SENP2: variants seen among roughly 807,000 people sequenced by gnomAD.
The protein encoded by SENP2 is SUMO specific peptidase 2.
Under a neutral mutation model 86.3 loss-of-function variants are expected in SENP2, and 16 were observed. That is an observed-to-expected ratio of 0.19 (90% CI 0.13 to 0.28). SENP2 has a LOEUF of 0.28. Among genes scored for constraint, SENP2 ranks in the 10% least tolerant of loss-of-function variants. The pLI is 1.00. For missense variants in SENP2, 552 were observed against 703.0 expected, an observed-to-expected ratio of 0.79 and a Z score of 2.43; for synonymous variants, 222 against 238.7, an observed-to-expected ratio of 0.93 and a Z score of 0.64.
rs375819185 is a variant in SENP2, at chr3:185,629,742, T to A, written c.1708-40T>A. The A allele has an allele frequency of 8.7e-6, 14 of 1,603,242 alleles. No individual in the cohort carries two copies. The African/African-American group carries it at 1.7e-4, about 20-fold the overall frequency. On this transcript the variant is annotated intron_variant, in intron 16 of 16. Transcript: ENST00000296257. ...CTGAAGGTTGTGCTGCCATGCACAT[T>A]AATATGTAATGCGGGCGTTGTTTAT...
intron 12 of SENP2, among the ~76,000 whole-genome samples, chr3:185,619,040 C>T (rs1711742395): frequency 6.6e-6 from 1 of 151,754 alleles, no homozygotes; most frequent in Non-Finnish European, 1.5e-5. Flanking sequence ...TAGATCTTTC[C>T]ATTATTGCAC....
chr3:185,599,910 T>C (rs1325658411), intron 4 of SENP2, among the ~76,000 whole-genome samples: 1 of 151,616 alleles, frequency 6.6e-6, no homozygotes, highest in Admixed American at 6.6e-5. Context: ...GTGATTCTCC[T>C]GCCTCAGCCT....
At position 185,621,828 on chromosome 3, in the gene SENP2, G is replaced by A; in HGVS notation, c.1449G>A (p.Val483=). 6.3e-7 allele frequency: 1 copy of A among 1,589,190 alleles called. No individual in the cohort carries two copies. The highest frequency in any genetic ancestry group is 1.1e-5 in the South Asian group (1 of 90,098). Reference sequence around the variant, plus strand: ...GATGTTATCTTTTTCCATTATAGGTGATTGACCTAAGAAAAAAGTGTCTTA... The same window carrying A: ...GATGTTATCTTTTTCCATTATAGGTAATTGACCTAAGAAAAAAGTGTCTTA... ...IHRKVHWSLV[V]IDLRKKCLKY... Residue 483 remains valine (V), a splice_region_variant and synonymous_variant, in exon 14 of 17, where the codon GTG becomes GTA. Transcript: ENST00000296257.
At chr3:185,605,681 A>G (rs1308139937) in intron 5 of SENP2, among the ~76,000 whole-genome samples, 1 of 150,456 alleles carries the variant, frequency 6.6e-6, no homozygotes, top group Non-Finnish European at 1.5e-5. Flanking sequence ...TTTTTTTGAA[A>G]CACCACATAA....
chr3:185,627,690 C>T (rs576530871), intron 16 of SENP2, among the ~76,000 whole-genome samples: 1 of 152,278 alleles, frequency 6.6e-6, no homozygotes, highest in Non-Finnish European at 1.5e-5. Context: ...GGATTACAGG[C>T]GTGAGCCACC....
Position 185,604,128 on chromosome 3 carries a change from T to A in SENP2, c.450-2202T>A, listed in dbSNP as rs558154398. Among the ~76,000 whole-genome samples, 15 of 152,142 alleles carry A rather than the reference T, an allele frequency of 9.9e-5. No individual in the cohort carries two copies. The South Asian group carries it at 2.1e-3, about 21-fold the overall frequency. ...ACAGTGAGACACCGTCTCAAAAAAATAAATAAATAAATAAGTAAATAAATA... is the reference window on the plus strand; with the variant it reads ...ACAGTGAGACACCGTCTCAAAAAAAAAAATAAATAAATAAGTAAATAAATA... On this transcript the variant is annotated intron_variant, in intron 5 of 16. Coordinates refer to ENST00000296257, the MANE Select transcript of SENP2 (RefSeq NM_021627.3).
rs1337726914 is a variant in SENP2, at chr3:185,631,882, C to T, written c.*2038C>T. 1 of 151,214 alleles carries T rather than the reference C, an allele frequency of 6.6e-6. No homozygotes were observed. The allele number at this position is 151,214 out of a possible 1,614,324, so 9.4% of individuals were successfully genotyped here. On this transcript the variant is annotated 3_prime_UTR_variant, in exon 17 of 17. Transcript: ENST00000296257. The stretch of plus-strand genomic sequence containing the variant: ...GAGCTTAATGTATTATTTTGAGGGG[C>T]TTCTTCAGAGCAGTTCTCACTGAGC...
intron 3 of SENP2, 35 bp downstream of exon 3, chr3:185,598,580 T>A (rs1722250134): frequency 6.3e-7 from 1 of 1,575,834 alleles, no homozygotes; most frequent in Non-Finnish European, 8.6e-7. Context: ...GGAATACTGA[T>A]CTTTATACTT....
intron 2 of SENP2, among the ~76,000 whole-genome samples, chr3:185,598,147 G>A (rs998082234): frequency 6.6e-6 from 1 of 152,012 alleles, no homozygotes; most frequent in Non-Finnish European, 1.5e-5. Flanking sequence ...CAGGTAGCTG[G>A]GACTACAGGC....
In SENP2 at chr3:185,586,487, C is replaced by G. The variant is rs774254416; in HGVS notation, c.74C>G (p.Ala25Gly). ...FCDRSVPPAR[A>G]LLKRRRSDST... ...GACCGGTCGGTGCCCCCTGCCCGGG[C>G]CCTCCTGAAGAGGCGGCGCTCAGAC... Residue 25 changes from alanine to glycine, a missense_variant, in exon 1 of 17, where the codon GCC becomes GGC. Physicochemically the swap from Ala to Gly is moderately conservative, Grantham distance 60 (BLOSUM62 0). Coordinates refer to ENST00000296257, the MANE Select transcript of SENP2 (RefSeq NM_021627.3). The surrounding 1 kb of genome is among the most constrained non-coding windows in gnomAD (Gnocchi z 4.3). The G allele has an allele frequency of 6.2e-7, 1 of 1,613,710 alleles. No homozygotes were observed. Among genetic ancestry groups the G allele is most frequent in the Admixed American group, 1.7e-5 (1 of 60,030 alleles).
rs1711669580 is a variant in SENP2, at chr3:185,617,573, A to G, written c.1204A>G (p.Ile402Val). 1 of 1,613,966 alleles carries G rather than the reference A, an allele frequency of 6.2e-7. No individual in the cohort carries two copies. The highest frequency in any genetic ancestry group is 8.5e-7 in the Non-Finnish European group (1 of 1,179,850). The change falls in exon 12 of 17, where the codon ATT becomes GTT. Residue 402 changes from isoleucine to valine, a missense_variant. Around this residue, in one of 2 missense-constraint regions of SENP2, gnomAD observed 169 missense variants for 275.7 expected, o/e 0.61. Coordinates refer to ENST00000296257, the MANE Select transcript of SENP2 (RefSeq NM_021627.3). ...AFKLRITRGD[I>V]QTLKNYHWLN... is the part of the protein sequence containing the mutation. ...CAAATTGCGAATTACTCGAGGAGATATTCAGACATTAAAGAACTATCACTG... is the reference window on the plus strand; with the variant it reads ...CAAATTGCGAATTACTCGAGGAGATGTTCAGACATTAAAGAACTATCACTG...
rs960521784 is a variant in SENP2 at position 185,587,927 on chromosome 3, G to C, written c.101+1413G>C. ...TATTTTTTGTATTTTTTTTAGTAGA[G>C]ACGGGGTTTCACCATCTTGGCCAGG... On this transcript the variant is annotated intron_variant, in intron 1 of 16. Coordinates refer to ENST00000296257, the MANE Select transcript of SENP2 (RefSeq NM_021627.3). Among the ~76,000 whole-genome samples the C allele has an allele frequency of 2.7e-5, 4 of 150,126 alleles. No homozygotes were observed. The Admixed American group carries it at 2.7e-4, about 10-fold the overall frequency.
Position 185,633,314 on chromosome 3 carries a change from C to CTGAT in SENP2, c.*3473_*3476dup, listed in dbSNP as rs1053675587. ...CATTCTTTAAATTAGCTTTTGTGAA[C>CTGAT]TGATTGGGAACCTAATCTCTTTTGT... On this transcript the variant is annotated 3_prime_UTR_variant, in exon 17 of 17. Coordinates refer to ENST00000296257, the MANE Select transcript of SENP2 (RefSeq NM_021627.3). 5.9e-5 allele frequency: 9 copies of CTGAT among 152,302 alleles called. No individual in the cohort carries two copies. Among genetic ancestry groups the CTGAT allele is most frequent in the East Asian group, 3.9e-4 (2 of 5,188 alleles). The allele number at this position is 152,302 out of a possible 1,614,324, so 9.4% of individuals were successfully genotyped here. A position where few individuals can be genotyped will look rare whatever the true frequency, so the allele number is the denominator to read the frequency against.
chr3:185,619,421 A>G lies in SENP2; in HGVS notation c.1365A>G (p.Lys455=). 2 of 1,614,162 alleles carry G rather than the reference A, an allele frequency of 1.2e-6. No homozygotes were observed. Among genetic ancestry groups the G allele is most frequent in the Non-Finnish European group, 1.7e-6 (2 of 1,180,022 alleles). Residue 455 remains lysine (K), a synonymous_variant, in exon 13 of 17, where the codon AAA becomes AAG. Coordinates refer to ENST00000296257, the MANE Select transcript of SENP2 (RefSeq NM_021627.3). ...AGTCTGGGGGTTACCAAGCAGTGAAACGATGGACCAAAGGGGTAAATCTCT... is the reference window on the plus strand; with the variant it reads ...AGTCTGGGGGTTACCAAGCAGTGAAGCGATGGACCAAAGGGGTAAATCTCT... ...KLKSGGYQAV[K]RWTKGVNLFE...
At chr3:185,606,603 G>A (rs1383583315) in intron 6 of SENP2, 105 bp downstream of exon 6, 1 of 1,008,596 alleles carries the variant, frequency 9.9e-7, no homozygotes, top group East Asian at 2.6e-5. Flanking sequence ...TACCATTGTA[G>A]GTTTTCCTAC....
intron 15 of SENP2, 52 bp downstream of exon 15, chr3:185,624,134 A>G: frequency 7.7e-7 from 1 of 1,302,238 alleles, no homozygotes; most frequent in Non-Finnish European, 1.1e-6. Context: ...TACTAATAGT[A>G]TATTATCTAG....
chr3:185,613,585 C>G (rs757709617), intron 10 of SENP2, 177 bp downstream of exon 10: 1 of 413,666 alleles, frequency 2.4e-6, no homozygotes, highest in Non-Finnish European at 4.3e-6. Flanking sequence ...AATCCCAGAA[C>G]TTTAGGAGGC....
Position 185,599,033 on chromosome 3 carries a change from G to T in SENP2, c.358+9G>T. 6.2e-7 allele frequency: 1 copy of T among 1,606,264 alleles called. No homozygotes were observed. The highest frequency in any genetic ancestry group is 8.5e-7 in the Non-Finnish European group (1 of 1,176,144). On this transcript the variant is annotated intron_variant, in intron 4 of 16. Coordinates refer to ENST00000296257, the MANE Select transcript of SENP2 (RefSeq NM_021627.3). Reference sequence around the variant, plus strand: ...CAACATGCTGAAACTGGGTGAGGTGGTCAAAAATATTTCTGTTTCCCGCTA... The same window carrying T: ...CAACATGCTGAAACTGGGTGAGGTGTTCAAAAATATTTCTGTTTCCCGCTA...
At chr3:185,628,546 G>A (rs1712256350) in intron 16 of SENP2, among the ~76,000 whole-genome samples, 1 of 152,208 alleles carries the variant, frequency 6.6e-6, no homozygotes, top group East Asian at 1.9e-4. Context: ...CGTTCTTGTT[G>A]CCCAGGCTGG....
Sources: allele counts gnomAD v4.1 joint callset (sites outside exome capture counted in the v4.1 genomes callset), GRCh38; gene constraint gnomAD v4.1.1; regional missense constraint gnomAD v4.1.1; non-coding constraint Gnocchi (gnomAD v3.1); transcripts MANE v1.5; gene names NCBI Gene and HGNC (gene_info 2026-07-23, HGNC 2026-07-21).